Variants in LINC00305 observed in about 807,000 individuals in gnomAD.
LINC00305 encodes the protein long intergenic non-protein coding RNA 305.
At chr18:64,094,918 A>C (rs2144897907) in intron 3 of LINC00305, among the ~76,000 whole-genome samples, 1 of 151,438 alleles carries the variant, frequency 6.6e-6, no homozygotes, top group African/African-American at 2.4e-5. Flanking sequence ...CTTTCTGGGC[A>C]AGCAAGACTC....
At chr18:64,141,834 T>C (rs2051465079) in intron 1 of LINC00305, among the ~76,000 whole-genome samples, 1 of 152,234 alleles carries the variant, frequency 6.6e-6, no homozygotes, top group Non-Finnish European at 1.5e-5. Flanking sequence ...TTTAGCATTA[T>C]ATGCATACTT....
At position 64,141,095 on chromosome 18, in the gene LINC00305, C is replaced by T. The variant is rs192398557; in HGVS notation, n.314+7680G>A. ...AAAAAAAATGATTCTTCCCTGGAGC[C>T]TGAAGAAGAGTGCAGCCTGTGGACA... is the stretch of plus-strand genomic sequence containing the variant. On this transcript the variant is annotated intron_variant and non_coding_transcript_variant, in intron 1 of 3. Transcript: ENST00000666468. 1.3e-4 allele frequency among the ~76,000 whole-genome samples: 19 copies of T among 150,346 alleles called. No individual in the cohort carries two copies. The East Asian group carries it at 3.5e-3, about 28-fold the overall frequency.
intron 3 of LINC00305, among the ~76,000 whole-genome samples, chr18:64,089,367 A>G (rs1296648306): frequency 6.6e-6 from 1 of 152,204 alleles, no homozygotes; most frequent in Non-Finnish European, 1.5e-5. Flanking sequence ...CTCCCCAGCC[A>G]TGCTGAACTG....
chr18:64,121,203 TA>T (rs1450624645), intron 1 of LINC00305, among the ~76,000 whole-genome samples: 11 of 152,108 alleles, frequency 7.2e-5, no homozygotes, highest in Admixed American at 6.6e-4. Flanking sequence ...TCTTCTTTTT[TA>T]AATTTGTATA....
intron 3 of LINC00305, among the ~76,000 whole-genome samples, chr18:64,089,864 A>C (rs2226876): frequency 0.68 from 103,730 of 152,034 alleles, 35,506 homozygotes; most frequent in East Asian, 0.75. Context: ...TTCACTATTA[A>C]AAGAACAGCA....
intron 1 of LINC00305, among the ~76,000 whole-genome samples, chr18:64,101,075 T>C (rs2051266306): frequency 6.6e-6 from 1 of 152,184 alleles, no homozygotes; most frequent in Admixed American, 6.5e-5. Flanking sequence ...ACCCCGTCTC[T>C]ACCATTGCTA....
chr18:64,122,956 G>A (rs988215060), intron 1 of LINC00305, among the ~76,000 whole-genome samples: 1 of 151,906 alleles, frequency 6.6e-6, no homozygotes. Flanking sequence ...TGTAGCTATT[G>A]TAAATGGGAT....
chr18:64,148,094 G>A (rs1052005201), intron 1 of LINC00305, among the ~76,000 whole-genome samples: 11 of 152,138 alleles, frequency 7.2e-5, no homozygotes, highest in South Asian at 2.1e-4. Context: ...GATCTTCCAG[G>A]TTGTGTCCAG....
chr18:64,139,107 C>T (rs921210236), intron 1 of LINC00305, among the ~76,000 whole-genome samples: 1 of 152,198 alleles, frequency 6.6e-6, no homozygotes, highest in Non-Finnish European at 1.5e-5. Context: ...TCTGCGTGCA[C>T]TCCACCTCCA....
chr18:64,141,052 TAA>T (rs34175314), intron 1 of LINC00305, among the ~76,000 whole-genome samples: 2,057 of 96,316 alleles, frequency 0.021, 36 homozygotes, highest in African/African-American at 0.07. Flanking sequence ...GCCTGAATGA[TAA>T]AAAAAAAAAA....
At chr18:64,112,248 G>A (rs2051317772) in intron 1 of LINC00305, among the ~76,000 whole-genome samples, 1 of 151,338 alleles carries the variant, frequency 6.6e-6, no homozygotes, top group Non-Finnish European at 1.5e-5. Context: ...ATGGAAGACT[G>A]GAAAAATAGC....
chr18:64,144,959 C>T (rs946731827), intron 1 of LINC00305, among the ~76,000 whole-genome samples: 42 of 152,044 alleles, frequency 2.8e-4, no homozygotes, highest in African/African-American at 9.2e-4. Context: ...ACATGGGGGT[C>T]GCCTGTCCTT....
At chr18:64,088,565 T>C (rs1363639789) in intron 3 of LINC00305, among the ~76,000 whole-genome samples, 1 of 152,230 alleles carries the variant, frequency 6.6e-6, no homozygotes, top group African/African-American at 2.4e-5. Flanking sequence ...CTCATGTCCA[T>C]GTGGTTTGCT....
chr18:64,146,575 A>G (rs2051499287), intron 1 of LINC00305, among the ~76,000 whole-genome samples: 1 of 152,214 alleles, frequency 6.6e-6, no homozygotes, highest in African/African-American at 2.4e-5. Flanking sequence ...ACCAGCATAC[A>G]TCACAGAACA....
intron 3 of LINC00305, among the ~76,000 whole-genome samples, chr18:64,081,857 ATGGTT>A (rs1319330823): frequency 6.6e-6 from 1 of 152,168 alleles, no homozygotes; most frequent in Non-Finnish European, 1.5e-5. Context: ...ACATGACCAC[ATGGTT>A]TGGCAAGCCT....
intron 1 of LINC00305, among the ~76,000 whole-genome samples, chr18:64,122,669 C>T (rs988106940): frequency 1.3e-5 from 2 of 151,934 alleles, no homozygotes; most frequent in African/African-American, 2.4e-5. Context: ...GCAATTTGGG[C>T]TCTTTTCGTG....
At chr18:64,113,996 G>A (rs1208996150) in intron 1 of LINC00305, among the ~76,000 whole-genome samples, 6 of 152,192 alleles carry the variant, frequency 3.9e-5, no homozygotes, top group Admixed American at 6.5e-5. Flanking sequence ...ATGGCTGGGC[G>A]CGTTGGCTCA....
At chr18:64,102,378 A>G (rs2051270641) in intron 1 of LINC00305, among the ~76,000 whole-genome samples, 1 of 152,196 alleles carries the variant, frequency 6.6e-6, no homozygotes, top group Non-Finnish European at 1.5e-5. Context: ...TTTTGGATTC[A>G]TTATAAGTAG....
At chr18:64,120,562 CA>C (rs1292546175) in intron 1 of LINC00305, among the ~76,000 whole-genome samples, 2 of 151,854 alleles carry the variant, frequency 1.3e-5, no homozygotes, top group Non-Finnish European at 2.9e-5. Context: ...TTTCTCTTTG[CA>C]TTTGTGAGAT....
Sources: gnomAD v4.1 joint callset for allele counts (sites outside exome capture counted in the v4.1 genomes callset) on GRCh38, gnomAD v4.1.1 for gene constraint, MANE v1.5 for transcripts, NCBI Gene and HGNC (gene_info 2026-07-23, HGNC 2026-07-21) for gene names.